Variants in COX8A observed in about 807,000 individuals in gnomAD.
The protein encoded by COX8A is cytochrome c oxidase subunit 8A, mitochondrial.
A neutral mutation model predicts 4.4 loss-of-function variants in COX8A; 6 were observed. The observed-to-expected ratio is 1.36, with a 90% CI of 0.74 to 2.68. The LOEUF (loss-of-function observed/expected upper bound fraction) is 2.68. Among genes scored for constraint, COX8A ranks in the 30% most tolerant of loss-of-function variants. The pLI, the probability that COX8A is intolerant of heterozygous loss-of-function variation, is 0.00. For synonymous variants in COX8A, 53 were observed against 47.1 expected (o/e 1.12, Z -0.51); for missense variants, 72 against 89.6 (o/e 0.80, Z 0.79).
rs11550241 is a variant in COX8A at position 63,974,733 on chromosome 11, G to T, written c.53G>T (p.Arg18Leu). 6.2e-7 allele frequency: 1 copy of T among 1,607,964 alleles called. No homozygotes were observed. Among genetic ancestry groups the T allele is most frequent in the South Asian group, 1.1e-5 (1 of 90,146 alleles). ...LLRGLTGSAR[R>L]LPVPRAKIHS... ...CGGGGCTTGACAGGCTCGGCCCGGC[G>T]GCTCCCAGTGCCGCGCGCCAAGATC... Residue 18 changes from arginine (R) to leucine (L), a missense_variant, in exon 1 of 2, where the codon CGG becomes CTG. Physicochemically the swap from Arg to Leu is moderately radical, Grantham distance 102. Transcript: ENST00000314133.
chr11:63,976,382 G>T lies in COX8A; in HGVS notation c.*62G>T, dbSNP rs1420528733. On this transcript the variant is annotated 3_prime_UTR_variant, in exon 2 of 2. Transcript: ENST00000314133. ...AGCCCCACCGGCCCATCCTGGTCAT[G>T]TTACTGCATTTGTGGCCGGCCTCCC... is the stretch of plus-strand genomic sequence containing the variant. 10 of 1,478,326 alleles carry T rather than the reference G, an allele frequency of 6.8e-6. No individual in the cohort carries two copies. In the Admixed American group the frequency reaches 1.7e-4, roughly 25 times the overall value. The allele number at this position is 1,478,326 out of a possible 1,614,324, so 91.6% of individuals were successfully genotyped here.
At chr11:63,976,145 G>A in intron 1 of COX8A, 80 bp from the exon 2 acceptor site, 1 of 1,375,150 alleles carries the variant, frequency 7.3e-7, no homozygotes. Context: ...GGGGCTTTCT[G>A]CTGCCTGGGA....
In COX8A at chr11:63,976,202, C is replaced by A. The variant is rs371870371; in HGVS notation, c.115-23C>A. ...TAGGGGAATACTGACTCCGAGGTGCCTTCTTTCTTGTGCTCTGTGTAGGAA... is the reference window on the plus strand; with the variant it reads ...TAGGGGAATACTGACTCCGAGGTGCATTCTTTCTTGTGCTCTGTGTAGGAA... On this transcript the variant is annotated intron_variant, in intron 1 of 1. Transcript: ENST00000314133. 3.6e-5 allele frequency: 58 copies of A among 1,610,688 alleles called. No individual in the cohort carries two copies. In the African/African-American group the frequency reaches 7.2e-4, roughly 20 times the overall value.
rs1209465618 is a variant in COX8A, at chr11:63,976,264, C to T, written c.154C>T (p.Leu52Phe). ...GCTTACCTCCTGCTTCGTGACCTTC[C>T]TCCTGCCAGCGGGCTGGATCCTGTC... is the stretch of plus-strand genomic sequence containing the variant. ...VGLTSCFVTF[L>F]LPAGWILSHL... Residue 52 changes from leucine to phenylalanine, a missense_variant, in exon 2 of 2, where the codon CTC becomes TTC. Leu to Phe is a conservative substitution (Grantham distance 22). Coordinates refer to ENST00000314133, the MANE Select transcript of COX8A (RefSeq NM_004074.3). 1 of 1,614,194 alleles carries T rather than the reference C, an allele frequency of 6.2e-7. No individual in the cohort carries two copies. Among genetic ancestry groups the T allele is most frequent in the Admixed American group, 1.7e-5 (1 of 60,022 alleles).
In COX8A at chr11:63,974,755, G is replaced by C. The variant is rs755942347; in HGVS notation, c.75G>C (p.Lys25Asn). 15 of 1,608,546 alleles carry C rather than the reference G, an allele frequency of 9.3e-6. No individual in the cohort carries two copies. The highest frequency in any genetic ancestry group is 6.7e-5 in the African/African-American group (5 of 74,862). The change falls in exon 1 of 2, where the codon AAG becomes AAC. Residue 25 changes from lysine to asparagine, a missense_variant. Transcript: ENST00000314133. ...GGCGGCTCCCAGTGCCGCGCGCCAA[G>C]ATCCATTCGTTGCCGCCGGAGGGGA... ...SARRLPVPRA[K>N]IHSLPPEGKL...
intron 1 of COX8A, among the ~76,000 whole-genome samples, chr11:63,975,396 C>T (rs944052594): frequency 1.3e-5 from 2 of 151,846 alleles, no homozygotes; most frequent in African/African-American, 4.8e-5. Flanking sequence ...CCAGGATGGT[C>T]TCGATCTCTT....
intron 1 of COX8A, 118 bp downstream of exon 1, chr11:63,974,912 G>A: frequency 1.0e-6 from 1 of 954,056 alleles, no homozygotes; most frequent in Non-Finnish European, 1.5e-6. Context: ...GAGCAGCAGT[G>A]CCGGTTTGGG....
intron 1 of COX8A, among the ~76,000 whole-genome samples, chr11:63,975,834 C>T (rs1942535424): frequency 6.6e-6 from 1 of 152,168 alleles, no homozygotes; most frequent in Non-Finnish European, 1.5e-5. Flanking sequence ...CCCGCCTTGG[C>T]CTCCCAAATT....
At position 63,976,234 on chromosome 11, in the gene COX8A, G is replaced by T. The variant is rs550927126; in HGVS notation, c.124G>T (p.Val42Phe). 2 of 1,614,024 alleles carry T rather than the reference G, an allele frequency of 1.2e-6. No individual in the cohort carries two copies. Among genetic ancestry groups the T allele is most frequent in the Admixed American group, 1.7e-5 (1 of 59,996 alleles). Residue 42 changes from valine to phenylalanine, a missense_variant, in exon 2 of 2, where the codon GTT (valine) becomes TTT (phenylalanine). Physicochemically the swap from Val to Phe is conservative, Grantham distance 50. Transcript: ENST00000314133. ...CTTGTGCTCTGTGTAGGAATTGGCC[G>T]TTGGGCTTACCTCCTGCTTCGTGAC... Reference protein sequence around the residue: ...EGKLGIMELAVGLTSCFVTFL... With the variant: ...EGKLGIMELAFGLTSCFVTFL...
At chr11:63,974,832 G>A (rs1202678123) in intron 1 of COX8A, 38 bp downstream of exon 1, 45 of 1,520,874 alleles carry the variant, frequency 3.0e-5, no homozygotes, top group Non-Finnish European at 3.8e-5. Flanking sequence ...GAGGCGCCGT[G>A]GGCTGACCCC....
chr11:63,976,168 TAGAG>T (rs1353785205), intron 1 of COX8A, 53 bp from the exon 2 acceptor site: 4 of 1,530,222 alleles, frequency 2.6e-6, no homozygotes, highest in East Asian at 2.2e-5. Flanking sequence ...TGCAAGGACT[TAGAG>T]AGCCTAGGGG....
chr11:63,975,389 G>A (rs1438796180), intron 1 of COX8A, among the ~76,000 whole-genome samples: 2 of 151,912 alleles, frequency 1.3e-5, no homozygotes, highest in African/African-American at 4.8e-5. Flanking sequence ...ATGTTGGCCA[G>A]GATGGTCTCG....
intron 1 of COX8A, among the ~76,000 whole-genome samples, chr11:63,975,561 G>A (rs1424347129): frequency 6.6e-6 from 1 of 151,006 alleles, no homozygotes; most frequent in Admixed American, 6.6e-5. Context: ...TAACATACAG[G>A]CTTTGCTTTT....
chr11:63,974,716 G>A lies in COX8A; in HGVS notation c.36G>A (p.Leu12=). ...TGACGCCGCTGCTGCTGCGGGGCTTGACAGGCTCGGCCCGGCGGCTCCCAG... is the reference window on the plus strand; with the variant it reads ...TGACGCCGCTGCTGCTGCGGGGCTTAACAGGCTCGGCCCGGCGGCTCCCAG... ...SVLTPLLLRG[L]TGSARRLPVP... The change falls in exon 1 of 2, where the codon TTG becomes TTA. Residue 12 remains leucine (L), a synonymous_variant. Transcript: ENST00000314133. The A allele has an allele frequency of 5.0e-6, 8 of 1,610,058 alleles. No homozygotes were observed. Among genetic ancestry groups the A allele is most frequent in the Admixed American group, 1.7e-5 (1 of 59,560 alleles).
chr11:63,975,712 C>G (rs1021804628), intron 1 of COX8A, among the ~76,000 whole-genome samples: 5 of 151,796 alleles, frequency 3.3e-5, no homozygotes, highest in Admixed American at 3.3e-4. Flanking sequence ...TCCCGAGTAG[C>G]TGGGATCACA....
At position 63,976,287 on chromosome 11, in the gene COX8A, G is replaced by T; in HGVS notation, c.177G>T (p.Leu59=). The part of the protein sequence containing the change: ...VTFLLPAGWI[L]SHLETYRRPE ...TCCTCCTGCCAGCGGGCTGGATCCT[G>T]TCACACCTGGAGACCTACAGGAGGC... Residue 59 remains leucine (L), a synonymous_variant, in exon 2 of 2, where the codon CTG becomes CTT. Coordinates refer to ENST00000314133, the MANE Select transcript of COX8A (RefSeq NM_004074.3). 2 of 1,614,148 alleles carry T rather than the reference G, an allele frequency of 1.2e-6. No individual in the cohort carries two copies. The highest frequency in any genetic ancestry group is 1.7e-6 in the Non-Finnish European group (2 of 1,180,008).
At chr11:63,975,692 T>A (rs1188973822) in intron 1 of COX8A, among the ~76,000 whole-genome samples, 1 of 152,094 alleles carries the variant, frequency 6.6e-6, no homozygotes, top group Non-Finnish European at 1.5e-5. Flanking sequence ...GCCATTCTCC[T>A]GCCTCAGTCT....
At position 63,974,632 on chromosome 11, in the gene COX8A, T is replaced by C. The variant is rs1237841940; in HGVS notation, c.-49T>C. 1.3e-6 allele frequency: 2 copies of C among 1,547,238 alleles called. No individual in the cohort carries two copies. The highest frequency in any genetic ancestry group is 1.9e-5 in the Admixed American group (1 of 51,910). On this transcript the variant is annotated 5_prime_UTR_variant, in exon 1 of 2. Transcript: ENST00000314133. ...GGCCAGCGCAGCCATTTTGGCTTCC[T>C]GACCTTGGGCTACGGCTGACCGTTT...
At chr11:63,976,095 C>T (rs1333472385) in intron 1 of COX8A, 130 bp from the exon 2 acceptor site, 4 of 801,580 alleles carry the variant, frequency 5.0e-6, no homozygotes, top group East Asian at 2.4e-5. Flanking sequence ...CGTGAGGATG[C>T]GGGGCCTCCC....
Sources: gnomAD v4.1 joint callset for allele counts (sites outside exome capture counted in the v4.1 genomes callset) on GRCh38, gnomAD v4.1.1 for gene constraint, MANE v1.5 for transcripts, NCBI Gene and HGNC (gene_info 2026-07-23, HGNC 2026-07-21) for gene names.